FGF7: variants seen among roughly 807,000 people sequenced by gnomAD.
FGF7 encodes the protein fibroblast growth factor 7, also known as FGF-7.
FGF7 carries 6 observed loss-of-function variants against 20.5 expected under a neutral mutation model. The observed-to-expected ratio is 0.29, with a 90% confidence interval of 0.16 to 0.58. FGF7 has a LOEUF of 0.58. FGF7 is among the 20% of genes least tolerant of loss of function. The probability of loss-of-function intolerance (pLI) is 0.90; values close to 1 mark genes in which losing one functional copy is unlikely to be tolerated. For missense variants in FGF7, 144 were observed against 228.8 expected (o/e 0.63, Z 2.39); for synonymous variants, 64 against 74.7 (o/e 0.86, Z 0.74).
At chr15:49,471,537 C>A (rs551927028) in intron 2 of FGF7, among the ~76,000 whole-genome samples, 231 of 143,180 alleles carry the variant, frequency 1.6e-3, no homozygotes, top group Non-Finnish European at 2.8e-3. Context: ...AATAATATGG[C>A]AAATGTAATG....
chr15:49,443,547 C>A (rs1296868625), intron 2 of FGF7, among the ~76,000 whole-genome samples: 1 of 151,634 alleles, frequency 6.6e-6, no homozygotes, highest in African/African-American at 2.4e-5. Flanking sequence ...GGTTTAGTGT[C>A]TATAACTGTT....
chr15:49,472,754 A>T lies in FGF7; in HGVS notation c.287-10397A>T, dbSNP rs558112327. Among the ~76,000 whole-genome samples, 134 of 152,322 alleles carry T rather than the reference A, an allele frequency of 8.8e-4. 5 individuals carry two copies. In the South Asian group the frequency reaches 0.027, roughly 30 times the overall value. On this transcript the variant is annotated intron_variant, in intron 2 of 3. Transcript: ENST00000267843. The stretch of plus-strand genomic sequence containing the variant: ...AAAGCTTATTATGCCTCATAAGAAA[A>T]GGGCTAGAATCAAAACGTGTAACTT...
rs2051783074 is a variant in FGF7 at position 49,442,682 on chromosome 15, G to C, written c.286+18099G>C. 4.0e-5 allele frequency among the ~76,000 whole-genome samples: 6 copies of C among 151,662 alleles called. No homozygotes were observed. In the South Asian group the frequency reaches 1.2e-3, roughly 31 times the overall value. On this transcript the variant is annotated intron_variant, in intron 2 of 3. Transcript: ENST00000267843. Reference sequence around the variant, plus strand: ...TTTTATTGTTGCCTGCCATTATAAAGCTGCAGGTAAAGGAAATCTACTAGC... The same window carrying C: ...TTTTATTGTTGCCTGCCATTATAAACCTGCAGGTAAAGGAAATCTACTAGC...
intron 2 of FGF7, among the ~76,000 whole-genome samples, chr15:49,452,911 C>T (rs2052901298): frequency 6.6e-6 from 1 of 152,122 alleles, no homozygotes; most frequent in Admixed American, 6.6e-5. Flanking sequence ...GAATATTTTA[C>T]ATATTTCAAA....
chr15:49,452,033 T>A (rs1342014382), intron 2 of FGF7, among the ~76,000 whole-genome samples: 1 of 152,062 alleles, frequency 6.6e-6, no homozygotes, highest in African/African-American at 2.4e-5. Context: ...AAAATTTGAT[T>A]CAATACCAAC....
At chr15:49,466,484 A>G (rs2054277606) in intron 2 of FGF7, among the ~76,000 whole-genome samples, 1 of 152,122 alleles carries the variant, frequency 6.6e-6, no homozygotes, top group Non-Finnish European at 1.5e-5. Context: ...GATTTTGGAG[A>G]GCTTTGGATA....
At chr15:49,476,991 C>T (rs1213303387) in intron 2 of FGF7, among the ~76,000 whole-genome samples, 2 of 150,216 alleles carry the variant, frequency 1.3e-5, no homozygotes, top group Non-Finnish European at 2.9e-5. Context: ...ACCTGGGAGG[C>T]GGAGCTTGCA....
rs541198983 is a variant in FGF7 at position 49,447,511 on chromosome 15, T to C, written c.286+22928T>C. On this transcript the variant is annotated intron_variant, in intron 2 of 3. Coordinates refer to ENST00000267843, the MANE Select transcript of FGF7 (RefSeq NM_002009.4). Reference sequence around the variant, plus strand: ...TAGAATAAGAGATTCTCAATCTTAATGTGATTTAATTACTAAGTCTTGGTA... The same window carrying C: ...TAGAATAAGAGATTCTCAATCTTAACGTGATTTAATTACTAAGTCTTGGTA... Among the ~76,000 whole-genome samples, 138 of 151,804 alleles carry C rather than the reference T, an allele frequency of 9.1e-4. 5 individuals are homozygous for C. In the South Asian group the frequency reaches 0.027, roughly 30 times the overall value.
At chr15:49,423,615 C>A (rs1292860623) in intron 1 of FGF7, among the ~76,000 whole-genome samples, 175 bp downstream of exon 1, 2 of 152,058 alleles carry the variant, frequency 1.3e-5, no homozygotes, top group Non-Finnish European at 2.9e-5. Flanking sequence ...CAGAGCAATC[C>A]TGACATTTAA....
At chr15:49,464,275 C>G (rs2151941126) in intron 2 of FGF7, among the ~76,000 whole-genome samples, 1 of 152,244 alleles carries the variant, frequency 6.6e-6, no homozygotes, top group South Asian at 2.1e-4. Flanking sequence ...TTTCTGCCCC[C>G]ACCTCTAGTC....
At chr15:49,430,793 A>G (rs2050541609) in intron 2 of FGF7, among the ~76,000 whole-genome samples, 1 of 151,864 alleles carries the variant, frequency 6.6e-6, no homozygotes, top group African/African-American at 2.4e-5. Flanking sequence ...TGAAGCCTTC[A>G]TGGCCTAATC....
intron 2 of FGF7, among the ~76,000 whole-genome samples, chr15:49,455,389 G>C (rs1422908910): frequency 6.6e-6 from 1 of 152,122 alleles, no homozygotes; most frequent in Non-Finnish European, 1.5e-5. Flanking sequence ...TGAATACTGT[G>C]TGCAGAAAAA....
intron 2 of FGF7, 67 bp downstream of exon 2, chr15:49,424,650 T>G: frequency 8.3e-7 from 1 of 1,211,030 alleles, no homozygotes; most frequent in East Asian, 2.5e-5. Context: ...TCAGGTGATA[T>G]GTTTTCTCAT....
chr15:49,473,519 A>C (rs1490098753), intron 2 of FGF7, among the ~76,000 whole-genome samples: 2 of 152,170 alleles, frequency 1.3e-5, no homozygotes, highest in Non-Finnish European at 2.9e-5. Context: ...ATAAACACTC[A>C]GTAAATACTT....
chr15:49,483,655 C>A (rs996130904), intron 3 of FGF7, among the ~76,000 whole-genome samples: 2 of 152,034 alleles, frequency 1.3e-5, no homozygotes, highest in Non-Finnish European at 2.9e-5. Flanking sequence ...TTAGTTCATT[C>A]ATCAACATCA....
intron 2 of FGF7, among the ~76,000 whole-genome samples, chr15:49,476,231 G>GTTTTTT (rs1567351795): frequency 3.4e-5 from 1 of 29,108 alleles, no homozygotes; most frequent in Admixed American, 4.8e-4. Flanking sequence ...TTTTGTTTTT[G>GTTTTTT]GTTTTTTTTT....
intron 2 of FGF7, among the ~76,000 whole-genome samples, chr15:49,430,161 G>A (rs1287291057): frequency 2.0e-5 from 3 of 151,886 alleles, no homozygotes; most frequent in Non-Finnish European, 4.4e-5. Context: ...AAATGTACGT[G>A]ATGATAGCTC....
chr15:49,424,550 G>A lies in FGF7; in HGVS notation c.253G>A (p.Val85Ile), dbSNP rs764225350. 1 of 1,603,052 alleles carries A rather than the reference G, an allele frequency of 6.2e-7. No homozygotes were observed. The highest frequency in any genetic ancestry group is 1.1e-5 in the South Asian group (1 of 89,884). ...CCTGAGGATCGATAAAAGAGGCAAA[G>A]TAAAAGGGACCCAAGAGATGAAGAA... is the stretch of plus-strand genomic sequence containing the variant. ...WYLRIDKRGK[V>I]KGTQEMKNNY... The change falls in exon 2 of 4, where the codon GTA becomes ATA. Residue 85 changes from valine to isoleucine, a missense_variant. Physicochemically the swap from Val to Ile is conservative, Grantham distance 29. This residue lies in a region of FGF7 where 88 missense variants were observed against 103.4 expected (regional missense o/e 0.85). Coordinates refer to ENST00000267843, the MANE Select transcript of FGF7 (RefSeq NM_002009.4).
chr15:49,438,823 T>G (rs1203890757), intron 2 of FGF7, among the ~76,000 whole-genome samples: 2 of 120,728 alleles, frequency 1.7e-5, no homozygotes, highest in African/African-American at 2.9e-5. Context: ...TTACCAATAG[T>G]GCTAAGCAAC....
Sources: allele counts gnomAD v4.1 joint callset (sites outside exome capture counted in the v4.1 genomes callset), GRCh38; gene constraint gnomAD v4.1.1; regional missense constraint gnomAD v4.1.1; transcripts MANE v1.5; gene names NCBI Gene and HGNC (gene_info 2026-07-23, HGNC 2026-07-21).